The following PIK3R6 variants were observed in gnomAD, a reference collection of about 807,000 sequenced individuals.
PIK3R6 encodes the protein phosphoinositide-3-kinase regulatory subunit 6.
A neutral mutation model predicts 84.9 loss-of-function variants in PIK3R6; 91 were observed. That is an observed-to-expected ratio of 1.07 (90% confidence interval 0.90 to 1.28). The LOEUF (loss-of-function observed/expected upper bound fraction) is 1.28, where lower values mean the gene tolerates loss of function less well. Ranked by LOEUF, PIK3R6 falls within the 50% of genes most tolerant of loss-of-function variation. The pLI is 0.00. For missense variants in PIK3R6, 996 were observed against 985.1 expected (o/e 1.01, Z -0.15); for synonymous variants, 416 against 411.4 (o/e 1.01, Z -0.13).
At chr17:8,863,143 A>G (rs762425635) in intron 1 of PIK3R6, among the ~76,000 whole-genome samples, 3 of 152,122 alleles carry the variant, frequency 2.0e-5, no homozygotes, top group Non-Finnish European at 4.4e-5. Flanking sequence ...GGGGTTCTAG[A>G]GTTGGGGAGG....
chr17:8,860,194 T>C (rs9904184), intron 1 of PIK3R6, among the ~76,000 whole-genome samples: 53,841 of 151,874 alleles, frequency 0.35, 10,724 homozygotes, highest in African/African-American at 0.52. Context: ...AGGCTGCGGA[T>C]GGGCACTGAT....
intron 11 of PIK3R6, among the ~76,000 whole-genome samples, 158 bp from the exon 12 acceptor site, chr17:8,828,348 C>T (rs2088021381): frequency 6.6e-6 from 1 of 152,204 alleles, no homozygotes; most frequent in South Asian, 2.1e-4. Context: ...ATGTCTCCCT[C>T]GCAGGATGGT....
rs955113174 is a variant in PIK3R6, at chr17:8,862,735, G to A, written c.-92+4794C>T. Among the ~76,000 whole-genome samples the A allele has an allele frequency of 2.6e-5, 4 of 152,086 alleles. No homozygotes were observed. Among genetic ancestry groups the A allele is most frequent in the South Asian group, 2.1e-4 (1 of 4,822 alleles). ...TCTAAAAATTCCTCTCCCTCCCCCC[G>A]TAGCGCAAGAATACGACATTACAGG... On this transcript the variant is annotated intron_variant, in intron 1 of 19. Transcript: ENST00000619866. The surrounding 1 kb of genome is among the most constrained non-coding windows in gnomAD (Gnocchi z 4.3).
intron 2 of PIK3R6, among the ~76,000 whole-genome samples, chr17:8,849,328 C>T (rs1323545466): frequency 6.6e-6 from 1 of 152,220 alleles, no homozygotes; most frequent in African/African-American, 2.4e-5. Flanking sequence ...TTTGACCACT[C>T]AATAGCTATG....
chr17:8,810,910 G>A (rs1417858915), intron 18 of PIK3R6, among the ~76,000 whole-genome samples: 1 of 148,556 alleles, frequency 6.7e-6, no homozygotes, highest in African/African-American at 2.5e-5. Context: ...TATCATTCTG[G>A]GTCTGGAGGA....
At position 8,823,181 on chromosome 17, in the gene PIK3R6, C is replaced by T. The variant is rs537767400; in HGVS notation, c.1627-95G>A. 1.9e-5 allele frequency: 19 copies of T among 1,006,906 alleles called. No homozygotes were observed. In the South Asian group the frequency reaches 2.7e-4, roughly 14 times the overall value. 62.4% of individuals were successfully genotyped at this position (1,006,906 alleles called of 1,614,324 possible). ...GATCCAGGGCCATGGAGAACCCTTCCACATAAAGAAGACCTACTTCTTGGA... is the reference window on the plus strand; with the variant it reads ...GATCCAGGGCCATGGAGAACCCTTCTACATAAAGAAGACCTACTTCTTGGA... On this transcript the variant is annotated intron_variant, in intron 14 of 19. Coordinates refer to ENST00000619866, the MANE Select transcript of PIK3R6 (RefSeq NM_001010855.4).
At chr17:8,814,916 A>AAGAG in intron 18 of PIK3R6, among the ~76,000 whole-genome samples, 1 of 151,864 alleles carries the variant, frequency 6.6e-6, no homozygotes, top group South Asian at 2.1e-4. Context: ...ATGGCTTCCA[A>AAGAG]AGAGAGAGAG....
At position 8,835,273 on chromosome 17, in the gene PIK3R6, C is replaced by A; in HGVS notation, c.645G>T (p.Gln215His). The A allele has an allele frequency of 6.5e-7, 1 of 1,542,826 alleles. No individual in the cohort carries two copies. Among genetic ancestry groups the A allele is most frequent in the Admixed American group, 1.9e-5 (1 of 53,618 alleles). Residue 215 changes from glutamine (Q) to histidine (H), a missense_variant and splice_region_variant, in exon 8 of 20, where the codon CAG (glutamine) becomes CAT (histidine). Coordinates refer to ENST00000619866, the MANE Select transcript of PIK3R6 (RefSeq NM_001010855.4). ...CHAGALHRKL[Q>H]ASPRRTLEHY... ...AAGGGGCTGCAGGCAGGGCCATTAC[C>A]TGCAGCTTCCTGTGCAGAGCGCCTG... is the stretch of plus-strand genomic sequence containing the variant.
chr17:8,862,757 C>T lies in PIK3R6; in HGVS notation c.-92+4772G>A, dbSNP rs1477392888. Reference sequence around the variant, plus strand: ...CCCGTAGCGCAAGAATACGACATTACAGGACAGCAATACACCATCCTCCGC... The same window carrying T: ...CCCGTAGCGCAAGAATACGACATTATAGGACAGCAATACACCATCCTCCGC... On this transcript the variant is annotated intron_variant, in intron 1 of 19. Transcript: ENST00000619866. This position sits in a 1 kb window ranked among gnomAD's most constrained non-coding sequence, Gnocchi z 4.3. Among the ~76,000 whole-genome samples the T allele has an allele frequency of 6.6e-6, 1 of 152,156 alleles. No homozygotes were observed. Among genetic ancestry groups the T allele is most frequent in the Admixed American group, 6.5e-5 (1 of 15,268 alleles).
intron 1 of PIK3R6, among the ~76,000 whole-genome samples, chr17:8,863,779 C>T (rs1403377188): frequency 2.6e-5 from 4 of 152,248 alleles, no homozygotes; most frequent in East Asian, 1.9e-4. Flanking sequence ...GTGATCCACC[C>T]GCCTCGGCCT....
At chr17:8,867,082 C>A (rs2151331292) in intron 1 of PIK3R6, among the ~76,000 whole-genome samples, 1 of 152,342 alleles carries the variant, frequency 6.6e-6, no homozygotes, top group Non-Finnish European at 1.5e-5. Context: ...ACTCTGCAAT[C>A]TTTGGCAAGT....
chr17:8,826,908 C>T lies in PIK3R6; in HGVS notation c.1515+264G>A, dbSNP rs567865570. Among the ~76,000 whole-genome samples the T allele has an allele frequency of 3.3e-4, 51 of 152,290 alleles. 1 individual carries two copies. Among genetic ancestry groups the T allele is most frequent in the Admixed American group, 1.3e-3 (20 of 15,308 alleles). ...GGAATATTTTACTTCGTCTTTTCCACGGTGGTCTGGTCCAAAGTACGAGCC... is the reference window on the plus strand; with the variant it reads ...GGAATATTTTACTTCGTCTTTTCCATGGTGGTCTGGTCCAAAGTACGAGCC... On this transcript the variant is annotated intron_variant, in intron 13 of 19. Coordinates refer to ENST00000619866, the MANE Select transcript of PIK3R6 (RefSeq NM_001010855.4).
chr17:8,835,072 A>G (rs1316192800), intron 8 of PIK3R6, among the ~76,000 whole-genome samples: 1 of 152,178 alleles, frequency 6.6e-6, no homozygotes, highest in African/African-American at 2.4e-5. Flanking sequence ...TCCTGACCTC[A>G]GGTGATACAC....
Position 8,810,100 on chromosome 17 carries a change from G to A in PIK3R6, c.1996-5947C>T, listed in dbSNP as rs35824504. 3.3e-5 allele frequency among the ~76,000 whole-genome samples: 5 copies of A among 150,218 alleles called. No individual in the cohort carries two copies. In the Admixed American group the frequency reaches 3.3e-4, roughly 10 times the overall value. On this transcript the variant is annotated intron_variant, in intron 18 of 19. Transcript: ENST00000619866. ...GACTGGGAAATTTACAAAAGAAAGA[G>A]GTTTAATGGACTTACAGTTCCACAT...
intron 2 of PIK3R6, among the ~76,000 whole-genome samples, chr17:8,841,829 T>C (rs1386659880): frequency 1.3e-5 from 2 of 152,170 alleles, no homozygotes; most frequent in African/African-American, 4.8e-5. Flanking sequence ...CCCCAGTTGC[T>C]GTGCTGTTGC....
chr17:8,842,920 A>C lies in PIK3R6; in HGVS notation c.14-3223T>G, dbSNP rs768754312. Among the ~76,000 whole-genome samples the C allele has an allele frequency of 3.3e-5, 5 of 152,230 alleles. No individual in the cohort carries two copies. The highest frequency in any genetic ancestry group is 7.3e-5 in the Non-Finnish European group (5 of 68,038). ...TCAGCAGATTGCAGTCCAAGAGTTA[A>C]AATATTTTTAGGCCAAGTCACCATA... On this transcript the variant is annotated intron_variant, in intron 2 of 19. Coordinates refer to ENST00000619866, the MANE Select transcript of PIK3R6 (RefSeq NM_001010855.4). The surrounding 1 kb of genome is among the most constrained non-coding windows in gnomAD (Gnocchi z 4.5).
In PIK3R6 at chr17:8,863,742, C is replaced by T. The variant is rs1597447663; in HGVS notation, c.-92+3787G>A. Among the ~76,000 whole-genome samples, 3 of 152,298 alleles carry T rather than the reference C, an allele frequency of 2.0e-5. No homozygotes were observed. In the South Asian group the frequency reaches 6.2e-4, roughly 32 times the overall value. ...TAGAGATGGGGTTTCACCATGTTGG[C>T]CAGAATAGCCTCGATCTCCTGACCT... On this transcript the variant is annotated intron_variant, in intron 1 of 19. Transcript: ENST00000619866.
At chr17:8,837,663 C>T (rs1033247342) in intron 5 of PIK3R6, 140 bp downstream of exon 5, 2 of 695,942 alleles carry the variant, frequency 2.9e-6, no homozygotes, top group Admixed American at 2.6e-5. Flanking sequence ...GGCTAGTGCT[C>T]AGAAGCCAGT....
chr17:8,827,773 A>AGAGG (rs2087989321), intron 12 of PIK3R6, among the ~76,000 whole-genome samples: 1 of 106,952 alleles, frequency 9.3e-6, no homozygotes, highest in Non-Finnish European at 1.7e-5. Context: ...GGAGAGAGAG[A>AGAGG]GAGAGAGAGA....
Sources: allele counts gnomAD v4.1 joint callset (sites outside exome capture counted in the v4.1 genomes callset), GRCh38; gene constraint gnomAD v4.1.1; non-coding constraint Gnocchi (gnomAD v3.1); transcripts MANE v1.5; gene names NCBI Gene and HGNC (gene_info 2026-07-23, HGNC 2026-07-21).